FRMPD1: variants seen among roughly 807,000 people sequenced by gnomAD.
FRMPD1 encodes the protein FERM and PDZ domain containing 1.
FRMPD1 carries 76 observed loss-of-function variants against 117.8 expected under a neutral mutation model. That is an observed-to-expected ratio of 0.65 (90% CI 0.54 to 0.78). The LOEUF (loss-of-function observed/expected upper bound fraction) is 0.78. Among genes scored for constraint, FRMPD1 ranks in the 30% least tolerant of loss-of-function variants. The pLI, the probability that FRMPD1 is intolerant of heterozygous loss-of-function variation, is 0.00. For synonymous variants in FRMPD1, 783 were observed against 770.4 expected (o/e 1.02, Z -0.27); for missense variants, 1,786 against 1,964.5 (o/e 0.91, Z 1.72).
At chr9:37,708,852 T>C (rs1822808640) in intron 4 of FRMPD1, among the ~76,000 whole-genome samples, 1 of 152,242 alleles carries the variant, frequency 6.6e-6, no homozygotes, top group Admixed American at 6.5e-5. Flanking sequence ...TTGTAACATA[T>C]GCCAAAGATT....
chr9:37,658,808 T>C (rs949395088), intron 1 of FRMPD1, among the ~76,000 whole-genome samples: 1 of 152,166 alleles, frequency 6.6e-6, no homozygotes, highest in Admixed American at 6.5e-5. Flanking sequence ...GGTGTAAAAA[T>C]CCTTTTTCCA....
At chr9:37,620,285 G>A in the FRMPD1 span, among the ~76,000 whole-genome samples, 4 of 152,194 alleles carry the variant, frequency 2.6e-5, no homozygotes, top group African/African-American at 9.7e-5. Context: ...CAGTGGCTTG[G>A]CATTGCTGAG....
chr9:37,673,992 C>A (rs1162745386), intron 1 of FRMPD1, among the ~76,000 whole-genome samples: 1 of 152,234 alleles, frequency 6.6e-6, no homozygotes, highest in Non-Finnish European at 1.5e-5. Context: ...TCCCTATTGT[C>A]TTGGGGATTA....
At chr9:37,673,754 A>G (rs1190184889) in intron 1 of FRMPD1, among the ~76,000 whole-genome samples, 1 of 152,270 alleles carries the variant, frequency 6.6e-6, no homozygotes, top group Non-Finnish European at 1.5e-5. Context: ...ACCACGTGGA[A>G]GCTGGCAAGG....
chr9:37,672,566 A>G (rs1821390181), intron 1 of FRMPD1, among the ~76,000 whole-genome samples: 3 of 152,228 alleles, frequency 2.0e-5, no homozygotes, highest in Admixed American at 6.5e-5. Flanking sequence ...CTGGCATCTT[A>G]TAAGTGGGAA....
intron 1 of FRMPD1, among the ~76,000 whole-genome samples, chr9:37,676,686 G>C (rs1277460274): frequency 6.6e-6 from 1 of 152,146 alleles, no homozygotes; most frequent in African/African-American, 2.4e-5. Flanking sequence ...CTGAACCCTT[G>C]CATAGGGTTC....
chr9:37,666,476 G>A (rs2119402661), intron 1 of FRMPD1, among the ~76,000 whole-genome samples: 1 of 152,202 alleles, frequency 6.6e-6, no homozygotes, highest in East Asian at 1.9e-4. Context: ...TTGGTCTTCA[G>A]GGTAGCCCAG....
chr9:37,696,210 C>A (rs565416352), intron 2 of FRMPD1, among the ~76,000 whole-genome samples: 8 of 152,122 alleles, frequency 5.3e-5, no homozygotes, highest in African/African-American at 1.9e-4. Context: ...ACATCACCTT[C>A]TTTAAGAGGC....
At chr9:37,675,913 A>G (rs1821512653) in intron 1 of FRMPD1, among the ~76,000 whole-genome samples, 1 of 152,172 alleles carries the variant, frequency 6.6e-6, no homozygotes, top group South Asian at 2.1e-4. Flanking sequence ...CTCCCTGGAG[A>G]ACCTTTGCTT....
chr9:37,652,829 A>G (rs1487172166), intron 1 of FRMPD1, among the ~76,000 whole-genome samples: 2 of 152,226 alleles, frequency 1.3e-5, no homozygotes, highest in Non-Finnish European at 2.9e-5. Flanking sequence ...GGGAATAGAG[A>G]GGCTTGTGCC....
the FRMPD1 span, among the ~76,000 whole-genome samples, chr9:37,639,782 A>G: frequency 6.6e-6 from 1 of 152,060 alleles, no homozygotes; most frequent in Non-Finnish European, 1.5e-5. Flanking sequence ...CGCCTCAGCC[A>G]CCCAAGTAAC....
intron 1 of FRMPD1, among the ~76,000 whole-genome samples, chr9:37,670,287 T>C (rs557172973): frequency 1.3e-5 from 2 of 152,304 alleles, no homozygotes; most frequent in South Asian, 4.1e-4. Flanking sequence ...GTAGAGAACA[T>C]GTTCAAAAAT....
chr9:37,692,706 C>T lies in FRMPD1; in HGVS notation c.65C>T (p.Ala22Val). The change falls in exon 2 of 16, where the codon GCA becomes GTA. Residue 22 changes from alanine (A) to valine (V), a missense_variant. By Grantham distance (64) the Ala-to-Val change is moderately conservative. Transcript: ENST00000377765. ...RKAHRIEQMV[A>V]RWLRRSRDSS... is the part of the protein sequence containing the mutation. ...GCACATAGAATAGAACAAATGGTGG[C>T]AAGATGGCTTCGGCGCTCCCGGGAC... is the stretch of plus-strand genomic sequence containing the variant. 1 of 1,613,890 alleles carries T rather than the reference C, an allele frequency of 6.2e-7. No homozygotes were observed. The highest frequency in any genetic ancestry group is 8.5e-7 in the Non-Finnish European group (1 of 1,179,804).
chr9:37,612,036 C>A, the FRMPD1 span, among the ~76,000 whole-genome samples: 1 of 152,170 alleles, frequency 6.6e-6, no homozygotes, highest in Admixed American at 6.5e-5. Context: ...CAGGTCCCAG[C>A]ACCTATGCAA....
Position 37,733,368 on chromosome 9 carries a change from T to C in FRMPD1, c.996-105T>C, listed in dbSNP as rs1043110713. The stretch of plus-strand genomic sequence containing the variant: ...GGAGGAGAAAGTGGCTCGTAATTGC[T>C]GTATTATGGGAACACTAAGTACTGA... On this transcript the variant is annotated intron_variant, in intron 10 of 15. Coordinates refer to ENST00000377765, the MANE Select transcript of FRMPD1 (RefSeq NM_014907.3). 9 of 1,073,470 alleles carry C rather than the reference T, an allele frequency of 8.4e-6. No individual in the cohort carries two copies. In the Admixed American group the frequency reaches 1.8e-4, roughly 22 times the overall value. The allele number at this position is 1,073,470 out of a possible 1,614,324, so 66.5% of individuals were successfully genotyped here.
rs1381863263 is a variant in FRMPD1 at position 37,740,727 on chromosome 9, C to A, written c.2199C>A (p.Ala733=). Residue 733 remains alanine, a synonymous_variant, in exon 15 of 16, where the codon GCC becomes GCA. Transcript: ENST00000377765. The surrounding 1 kb of genome is among the most constrained non-coding windows in gnomAD (Gnocchi z 4.2). Reference sequence around the variant, plus strand: ...GTACAGCTTCCCGGCAAGGGGGAGCCCCGCCAGCCTGGGGTCAGCAGGGCT... The same window carrying A: ...GTACAGCTTCCCGGCAAGGGGGAGCACCGCCAGCCTGGGGTCAGCAGGGCT... The part of the protein sequence containing the change: ...SESTASRQGG[A]PPAWGQQGWT... 1.2e-6 allele frequency: 2 copies of A among 1,614,150 alleles called. No individual in the cohort carries two copies. Among genetic ancestry groups the A allele is most frequent in the Non-Finnish European group, 1.7e-6 (2 of 1,180,008 alleles).
chr9:37,699,642 G>T (rs1822463316), intron 2 of FRMPD1, among the ~76,000 whole-genome samples: 2 of 152,098 alleles, frequency 1.3e-5, no homozygotes, highest in South Asian at 4.1e-4. Flanking sequence ...ATTCTCTTAT[G>T]CTTAATCTAG....
rs190564628 is a variant in FRMPD1, at chr9:37,660,426, C to T, written c.-5+9332C>T. ...TCCAAAGTTGACCTCAGGTGGCCCC[C>T]TTCCTGGTCATCATCCGATGGAGCT... On this transcript the variant is annotated intron_variant, in intron 1 of 15. Transcript: ENST00000377765. Among the ~76,000 whole-genome samples the T allele has an allele frequency of 1.7e-3, 259 of 152,202 alleles. 4 individuals are homozygous for T. The highest frequency in any genetic ancestry group is 5.6e-3 in the Admixed American group (85 of 15,306).
intron 1 of FRMPD1, among the ~76,000 whole-genome samples, chr9:37,660,657 A>G (rs1456670762): frequency 6.6e-6 from 1 of 152,228 alleles, no homozygotes; most frequent in East Asian, 1.9e-4. Context: ...ATATCCCCAC[A>G]TCAAAATATG....
Sources: gnomAD v4.1 joint callset for allele counts (sites outside exome capture counted in the v4.1 genomes callset) on GRCh38, gnomAD v4.1.1 for gene constraint, Gnocchi (gnomAD v3.1) non-coding constraint, MANE v1.5 for transcripts, NCBI Gene and HGNC (gene_info 2026-07-23, HGNC 2026-07-21) for gene names.